ATL3: variants seen among roughly 807,000 people sequenced by gnomAD.
ATL3 encodes atlastin-3.
Under a neutral mutation model 69.5 loss-of-function variants are expected in ATL3, and 49 were observed. That is an observed-to-expected ratio of 0.71 (90% CI 0.56 to 0.89). The LOEUF (loss-of-function observed/expected upper bound fraction) is 0.89. Ranked by LOEUF, ATL3 falls within the 40% of genes least tolerant of loss-of-function variation. The probability of loss-of-function intolerance (pLI) is 0.00; values close to 1 mark genes in which losing one functional copy is unlikely to be tolerated. For synonymous variants in ATL3, 214 were observed against 224.1 expected (o/e 0.95, Z 0.40); for missense variants, 606 against 645.7 (o/e 0.94, Z 0.67).
chr11:63,646,561 G>A lies in ATL3; in HGVS notation c.564C>T (p.Leu188=). 6.2e-7 allele frequency: 1 copy of A among 1,601,084 alleles called. No individual in the cohort carries two copies. Among genetic ancestry groups the A allele is most frequent in the Non-Finnish European group, 8.5e-7 (1 of 1,174,504 alleles). ...IQEDDLQQLQ[L]FTEYGRLAMD... ...TTGCCAGACGACCGTATTCTGTGAAGAGCTTTAAAAAAGAAGCATTATGGT... is the reference window on the plus strand; with the variant it reads ...TTGCCAGACGACCGTATTCTGTGAAAAGCTTTAAAAAAGAAGCATTATGGT... Residue 188 remains leucine, a splice_region_variant and synonymous_variant, in exon 6 of 13, where the codon CTC becomes CTT. Transcript: ENST00000398868.
intron 3 of ATL3, among the ~76,000 whole-genome samples, chr11:63,653,706 A>C (rs1012520569): frequency 6.6e-6 from 1 of 152,236 alleles, no homozygotes; most frequent in African/African-American, 2.4e-5. Flanking sequence ...AGAAATCTTA[A>C]AATTGCATTG....
chr11:63,661,875 T>G (rs1590744547), intron 1 of ATL3, among the ~76,000 whole-genome samples: 2 of 128,766 alleles, frequency 1.6e-5, no homozygotes, highest in African/African-American at 3.0e-5. Context: ...GGCAAAAGAG[T>G]GACACTCCGT....
chr11:63,671,518 C>A (rs1377907907), upstream of ATL3: 3 of 1,436,484 alleles, frequency 2.1e-6, no homozygotes, highest in South Asian at 2.9e-5. Context: ...CGTGGCCCAA[C>A]GGACAGCCCG....
At chr11:63,635,474 G>A in intron 10 of ATL3, 60 bp downstream of exon 10, 1 of 1,369,442 alleles carries the variant, frequency 7.3e-7, no homozygotes, top group East Asian at 2.3e-5. Context: ...TCTGCTTATT[G>A]TATACAGGTC....
chr11:63,640,530 C>G (rs1939664419), intron 8 of ATL3, among the ~76,000 whole-genome samples: 2 of 151,286 alleles, frequency 1.3e-5, no homozygotes, highest in South Asian at 4.2e-4. Flanking sequence ...CTAACCAACT[C>G]CACATAAAGA....
At chr11:63,666,332 C>T (rs1022176000) in intron 1 of ATL3, among the ~76,000 whole-genome samples, 1 of 152,186 alleles carries the variant, frequency 6.6e-6, no homozygotes, top group African/African-American at 2.4e-5. Context: ...AGCCACCGCG[C>T]CCGGCCTACC....
intron 3 of ATL3, among the ~76,000 whole-genome samples, chr11:63,656,821 C>T (rs1940266879): frequency 6.6e-6 from 1 of 151,854 alleles, no homozygotes; most frequent in Admixed American, 6.6e-5. Context: ...TAGAACTCTA[C>T]ACTAAGAGTA....
intron 5 of ATL3, among the ~76,000 whole-genome samples, chr11:63,647,112 G>C (rs1939908887): frequency 6.6e-6 from 1 of 152,098 alleles, no homozygotes; most frequent in African/African-American, 2.4e-5. Context: ...CTTTCAAATA[G>C]CTCCTTCTCA....
At position 63,669,125 on chromosome 11, in the gene ATL3, T is replaced by A. The variant is rs184648573; in HGVS notation, c.46+2165A>T. 9.5e-4 allele frequency among the ~76,000 whole-genome samples: 143 copies of A among 151,170 alleles called. 1 individual carries two copies. Among genetic ancestry groups the A allele is most frequent in the African/African-American group, 3.2e-3 (130 of 41,200 alleles). ...TGGGATTACAGGAGTAAACCACAGC[T>A]CCCGGCCAAGTAAGGATTTCCTAAT... On this transcript the variant is annotated intron_variant, in intron 1 of 12. Coordinates refer to ENST00000398868, the MANE Select transcript of ATL3 (RefSeq NM_015459.5).
chr11:63,627,202 A>G lies in ATL3; in HGVS notation c.*2117T>C, dbSNP rs1233707125. ...AATGTATTAAAAGCTAAGTATGTCA[A>G]TATTTACAGAGCCTGCTAATAGGTA... On this transcript the variant is annotated 3_prime_UTR_variant, in exon 13 of 13. Transcript: ENST00000398868. 6.6e-6 allele frequency: 1 copy of G among 152,208 alleles called. No homozygotes were observed. Among genetic ancestry groups the G allele is most frequent in the Non-Finnish European group, 1.5e-5 (1 of 68,034 alleles). 9.4% of individuals were successfully genotyped at this position (152,208 alleles called of 1,614,324 possible).
At chr11:63,653,497 C>T (rs1940144306) in intron 3 of ATL3, among the ~76,000 whole-genome samples, 1 of 151,536 alleles carries the variant, frequency 6.6e-6, no homozygotes, top group Non-Finnish European at 1.5e-5. Context: ...TTGGTATATA[C>T]CCAAAGGAGC....
intron 8 of ATL3, among the ~76,000 whole-genome samples, chr11:63,638,582 G>A (rs149487788): frequency 6.6e-6 from 1 of 152,252 alleles, no homozygotes; most frequent in African/African-American, 2.4e-5. Flanking sequence ...GCGCACTCCT[G>A]TAATCCCAGC....
At chr11:63,637,699 C>A (rs1364596642) in intron 8 of ATL3, 1 of 152,162 alleles carries the variant, frequency 6.6e-6, no homozygotes, top group Non-Finnish European at 1.5e-5. Flanking sequence ...CTTCTAACAT[C>A]TTCCTGGGTT....
At chr11:63,671,457 C>A, upstream of ATL3, 1 of 1,483,830 alleles carries the variant, frequency 6.7e-7, no homozygotes, top group Non-Finnish European at 8.9e-7. Context: ...AAAAAACTAG[C>A]CAGAAGGTGG....
rs1032905049 is a variant in ATL3 at position 63,626,714 on chromosome 11, C to T, written c.*2605G>A. On this transcript the variant is annotated 3_prime_UTR_variant, in exon 13 of 13. Transcript: ENST00000398868. Reference sequence around the variant, plus strand: ...CAGACACGACGCAAACAGGCACAGTCTGAGCATCTGAACCACAAGTAAAAG... The same window carrying T: ...CAGACACGACGCAAACAGGCACAGTTTGAGCATCTGAACCACAAGTAAAAG... The T allele has an allele frequency of 2.0e-5, 3 of 152,120 alleles. No individual in the cohort carries two copies. The highest frequency in any genetic ancestry group is 4.8e-5 in the African/African-American group (2 of 41,426). The allele number at this position is 152,120 out of a possible 1,614,324, so 9.4% of individuals were successfully genotyped here.
chr11:63,643,420 A>T lies in ATL3; in HGVS notation c.787T>A (p.Phe263Ile). Residue 263 changes from phenylalanine to isoleucine, a missense_variant, in exon 8 of 13, where the codon TTT (phenylalanine) becomes ATT (isoleucine). By Grantham distance (21) the Phe-to-Ile change is conservative. Coordinates refer to ENST00000398868, the MANE Select transcript of ATL3 (RefSeq NM_015459.5). Reference sequence around the variant, plus strand: ...TGGAGTCCTGGATGTGGTAAGAGAAAGCAGGTGACATCGGAGAAACATGAG... The same window carrying T: ...TGGAGTCCTGGATGTGGTAAGAGAATGCAGGTGACATCGGAGAAACATGAG... ...IHSCFSDVTC[F>I]LLPHPGLQVA... is the part of the protein sequence containing the mutation. The T allele has an allele frequency of 6.2e-7, 1 of 1,612,678 alleles. No individual in the cohort carries two copies. The highest frequency in any genetic ancestry group is 8.5e-7 in the Non-Finnish European group (1 of 1,179,334).
intron 3 of ATL3, among the ~76,000 whole-genome samples, chr11:63,657,183 T>C (rs1169279179): frequency 7.8e-6 from 1 of 127,698 alleles, no homozygotes; most frequent in Non-Finnish European, 1.6e-5. Flanking sequence ...CACTCCAGCC[T>C]GGGCAACAGA....
chr11:63,670,381 T>C (rs1432402845), intron 1 of ATL3: 1 of 152,244 alleles, frequency 6.6e-6, no homozygotes, highest in Admixed American at 6.5e-5. Flanking sequence ...ATTCTAAGAC[T>C]GACAAAACGT....
At chr11:63,646,971 C>T (rs1184460366) in intron 5 of ATL3, among the ~76,000 whole-genome samples, 1 of 152,178 alleles carries the variant, frequency 6.6e-6, no homozygotes, top group Non-Finnish European at 1.5e-5. Flanking sequence ...TGCAGCCACA[C>T]TGGCCCTCCT....
Sources: allele counts gnomAD v4.1 joint callset (sites outside exome capture counted in the v4.1 genomes callset), GRCh38; gene constraint gnomAD v4.1.1; transcripts MANE v1.5; gene names NCBI Gene and HGNC (gene_info 2026-07-23, HGNC 2026-07-21).